The following PTPRD variants were observed in gnomAD, a reference collection of about 807,000 sequenced individuals.
PTPRD encodes protein tyrosine phosphatase receptor type D, also known as receptor-type tyrosine-protein phosphatase delta.
A neutral mutation model predicts 214.5 loss-of-function variants in PTPRD; 34 were observed. The ratio of observed to expected loss-of-function variants is 0.16; its 90% CI spans 0.12 to 0.21. PTPRD has a LOEUF of 0.21. Among genes scored for constraint, PTPRD ranks in the 10% least tolerant of loss-of-function variants. The pLI, the probability that PTPRD is intolerant of heterozygous loss-of-function variation, is 1.00. For missense variants in PTPRD, 2,545 were observed against 2,398.7 expected (o/e 1.06, Z -1.27); for synonymous variants, 1,128 against 845.7 (o/e 1.33, Z -5.79).
intron 8 of PTPRD, among the ~76,000 whole-genome samples, chr9:9,498,554 T>G (rs1358699213): frequency 6.6e-6 from 1 of 152,112 alleles, no homozygotes; most frequent in Non-Finnish European, 1.5e-5. Flanking sequence ...TTCTCCTTGT[T>G]TGGCCTTTAG....
At chr9:9,699,048 T>A (rs1035330697) in intron 7 of PTPRD, among the ~76,000 whole-genome samples, 1 of 152,218 alleles carries the variant, frequency 6.6e-6, no homozygotes, top group Non-Finnish European at 1.5e-5. Flanking sequence ...TAATATATCC[T>A]TCTTCTACTC....
At chr9:9,749,076 C>T (rs1056551952) in intron 6 of PTPRD, among the ~76,000 whole-genome samples, 1 of 152,050 alleles carries the variant, frequency 6.6e-6, no homozygotes, top group Non-Finnish European at 1.5e-5. Context: ...TCCATTAGAA[C>T]AATCCACCTG....
intron 7 of PTPRD, among the ~76,000 whole-genome samples, chr9:9,724,884 C>A (rs867592994): frequency 1.3e-5 from 2 of 152,154 alleles, no homozygotes; most frequent in Middle Eastern, 3.4e-3. Context: ...CCAAACTGTC[C>A]TCTGATTACT....
rs975060760 is a variant in PTPRD at position 8,649,213 on chromosome 9, A to G, written c.65-12369T>C. Among the ~76,000 whole-genome samples the G allele has an allele frequency of 3.3e-5, 5 of 152,358 alleles. No homozygotes were observed. The South Asian group carries it at 1.0e-3, about 32-fold the overall frequency. ...AGGAACTAGTGTGATGAACTGTACT[A>G]GCTTCACTTTAGAAACAGTAGTAAA... On this transcript the variant is annotated intron_variant, in intron 12 of 45. Coordinates refer to ENST00000381196, the MANE Select transcript of PTPRD (RefSeq NM_002839.4).
chr9:8,472,038 C>G (rs10977138), intron 30 of PTPRD, among the ~76,000 whole-genome samples: 2 of 152,188 alleles, frequency 1.3e-5, no homozygotes, highest in African/African-American at 2.4e-5. Flanking sequence ...GAGAAATTCT[C>G]TGAGCAAAGC....
At chr9:10,215,435 A>T (rs1033527465) in intron 3 of PTPRD, among the ~76,000 whole-genome samples, 2 of 152,138 alleles carry the variant, frequency 1.3e-5, no homozygotes, top group Non-Finnish European at 2.9e-5. Context: ...TATCAGGGGA[A>T]TGTAAATTTA....
intron 2 of PTPRD, among the ~76,000 whole-genome samples, chr9:10,418,736 A>C (rs1306144328): frequency 6.6e-6 from 1 of 151,878 alleles, no homozygotes; most frequent in Non-Finnish European, 1.5e-5. Flanking sequence ...ATAATTGCAG[A>C]AAAAGAGGCA....
intron 12 of PTPRD, among the ~76,000 whole-genome samples, chr9:8,718,585 T>G (rs1413869897): frequency 2.0e-5 from 3 of 152,190 alleles, no homozygotes; most frequent in African/African-American, 7.2e-5. Context: ...TTGAATAGAC[T>G]TAACTATTAG....
At chr9:9,662,013 T>A (rs1052456242) in intron 7 of PTPRD, among the ~76,000 whole-genome samples, 7 of 151,790 alleles carry the variant, frequency 4.6e-5, no homozygotes, top group African/African-American at 1.7e-4. Context: ...AACACATGTA[T>A]GATATATATG....
At chr9:9,643,707 A>G (rs1363240021) in intron 7 of PTPRD, among the ~76,000 whole-genome samples, 5 of 152,196 alleles carry the variant, frequency 3.3e-5, no homozygotes, top group African/African-American at 1.2e-4. Flanking sequence ...TGTCTGTCAT[A>G]ATGATATCGC....
In PTPRD at chr9:10,462,281, T is replaced by G. The variant is rs576738774; in HGVS notation, c.-599-121264A>C. On this transcript the variant is annotated intron_variant, in intron 2 of 45. Coordinates refer to ENST00000381196, the MANE Select transcript of PTPRD (RefSeq NM_002839.4). The stretch of plus-strand genomic sequence containing the variant: ...GAATTCATGTAGAAATATTTCTATA[T>G]GAATATTGGTCATTTCCTTTTTATT... 6.6e-4 allele frequency among the ~76,000 whole-genome samples: 101 copies of G among 152,308 alleles called. 1 individual carries two copies. Among genetic ancestry groups the G allele is most frequent in the Non-Finnish European group, 1.3e-3 (89 of 68,030 alleles).
chr9:9,744,722 C>T (rs927467360), intron 6 of PTPRD, among the ~76,000 whole-genome samples: 1 of 151,850 alleles, frequency 6.6e-6, no homozygotes, highest in African/African-American at 2.4e-5. Context: ...TAATGAAGAA[C>T]AGAAAAAGAA....
intron 2 of PTPRD, among the ~76,000 whole-genome samples, chr9:10,476,609 G>T (rs939775784): frequency 1.3e-5 from 2 of 152,054 alleles, no homozygotes; most frequent in Non-Finnish European, 2.9e-5. Context: ...AGCTACCATT[G>T]ACCTTCTTCA....
At chr9:8,354,993 C>G (rs1010488781) in intron 39 of PTPRD, among the ~76,000 whole-genome samples, 1 of 152,030 alleles carries the variant, frequency 6.6e-6, no homozygotes, top group Non-Finnish European at 1.5e-5. Context: ...TCTTTGTGAA[C>G]CTGGTGATAT....
intron 36 of PTPRD, among the ~76,000 whole-genome samples, chr9:8,401,593 C>T (rs1328923131): frequency 4.6e-5 from 7 of 152,110 alleles, no homozygotes; most frequent in Non-Finnish European, 7.4e-5. Context: ...AAAGATGTCA[C>T]CAAGTGTCAC....
At chr9:9,997,515 C>T (rs1403269963) in intron 4 of PTPRD, among the ~76,000 whole-genome samples, 1 of 152,016 alleles carries the variant, frequency 6.6e-6, no homozygotes, top group Non-Finnish European at 1.5e-5. Flanking sequence ...TCTTGAACTC[C>T]CACCCTCAGG....
chr9:8,334,607 C>T (rs1014568105), intron 43 of PTPRD, among the ~76,000 whole-genome samples: 4 of 123,424 alleles, frequency 3.2e-5, no homozygotes, highest in African/African-American at 1.3e-4. Flanking sequence ...AAAATCGACA[C>T]CCTAACATCA....
intron 4 of PTPRD, among the ~76,000 whole-genome samples, chr9:10,025,703 AG>A (rs1410944908): frequency 1.3e-5 from 2 of 152,210 alleles, no homozygotes; most frequent in Non-Finnish European, 2.9e-5. Flanking sequence ...TTAGAAAATA[AG>A]AAATTGGATG....
chr9:8,505,330 G>A (rs562015261), intron 22 of PTPRD, among the ~76,000 whole-genome samples: 25 of 152,084 alleles, frequency 1.6e-4, no homozygotes, highest in African/African-American at 6.0e-4. Flanking sequence ...AATCAGTTAA[G>A]AAGAATTCAA....
Sources: allele counts gnomAD v4.1 joint callset (sites outside exome capture counted in the v4.1 genomes callset), GRCh38; gene constraint gnomAD v4.1.1; transcripts MANE v1.5; gene names NCBI Gene and HGNC (gene_info 2026-07-23, HGNC 2026-07-21).